Variants in NAF1 observed in about 807,000 individuals in gnomAD.
NAF1 encodes the protein H/ACA ribonucleoprotein complex non-core subunit NAF1.
Under a neutral mutation model 40.6 loss-of-function variants are expected in NAF1, and 11 were observed. The observed-to-expected ratio is 0.27, with a 90% CI of 0.17 to 0.45. The LOEUF (loss-of-function observed/expected upper bound fraction) is 0.45, where lower values mean the gene tolerates loss of function less well. Among genes scored for constraint, NAF1 ranks in the 20% least tolerant of loss-of-function variants. NAF1 has a pLI of 1.00. For synonymous variants in NAF1, 260 were observed against 228.5 expected (o/e 1.14, Z -1.24); for missense variants, 607 against 611.1 (o/e 0.99, Z 0.07).
At chr4:163,135,428 CAAATA>C (rs1174249590) in intron 6 of NAF1, 1 of 152,200 alleles carries the variant, frequency 6.6e-6, no homozygotes, top group Non-Finnish European at 1.5e-5. Context: ...ACCAATTTTA[CAAATA>C]ACTCGCATTG....
chr4:163,158,368 C>T (rs1443346956), intron 2 of NAF1: 2 of 151,960 alleles, frequency 1.3e-5, no homozygotes, highest in Admixed American at 6.6e-5. Flanking sequence ...TAGGTCTGTA[C>T]ACTTTGTGTC....
At chr4:163,104,950 C>T in the NAF1 span, among the ~76,000 whole-genome samples, 1 of 152,128 alleles carries the variant, frequency 6.6e-6, no homozygotes, top group South Asian at 2.1e-4. Flanking sequence ...TTCAGAAAAC[C>T]AAACCAAAAC....
intron 5 of NAF1, 65 bp from the exon 6 acceptor site, chr4:163,137,315 TA>T: frequency 1.3e-6 from 2 of 1,521,518 alleles, no homozygotes; most frequent in Non-Finnish European, 1.8e-6. Context: ...GCTCATAACT[TA>T]AAAGTACAGA....
In NAF1 at chr4:163,160,548, G is replaced by A. The variant is rs115325273; in HGVS notation, c.540+3669C>T. On this transcript the variant is annotated intron_variant, in intron 2 of 7. Transcript: ENST00000274054. ...TCGCAGAGATCGAACAACCCACAAT[G>A]GAAAGATTTAAAGGGATAGATCCAG... 6.8e-3 allele frequency among the ~76,000 whole-genome samples: 1,039 copies of A among 152,268 alleles called. 10 individuals are homozygous for A. The highest frequency in any genetic ancestry group is 0.011 in the Non-Finnish European group (757 of 68,026).
intron 5 of NAF1, among the ~76,000 whole-genome samples, chr4:163,137,779 C>T (rs552702105): frequency 6.6e-6 from 1 of 152,158 alleles, no homozygotes; most frequent in Non-Finnish European, 1.5e-5. Flanking sequence ...ATTCTCAAAG[C>T]AGTGAGGGTC....
intron 4 of NAF1, among the ~76,000 whole-genome samples, chr4:163,142,703 G>A (rs1224261771): frequency 6.6e-6 from 1 of 152,170 alleles, no homozygotes; most frequent in East Asian, 1.9e-4. Context: ...GTATGTTACA[G>A]GAAAACTTGA....
chr4:163,112,370 G>T (rs919135792), intron 2 of NAF1, among the ~76,000 whole-genome samples: 2 of 152,180 alleles, frequency 1.3e-5, no homozygotes, highest in African/African-American at 4.8e-5. Context: ...TCACAGGTTG[G>T]ATTCACTGGA....
chr4:163,158,952 G>C (rs1732104927), intron 2 of NAF1, among the ~76,000 whole-genome samples: 1 of 151,918 alleles, frequency 6.6e-6, no homozygotes, highest in African/African-American at 2.4e-5. Context: ...TAACTCTCTG[G>C]TGCTACTTTG....
intron 2 of NAF1, chr4:163,110,316 A>G (rs1458385169): frequency 7.2e-6 from 5 of 698,330 alleles, no homozygotes; most frequent in Non-Finnish European, 1.0e-5. Context: ...GTAAAATCAG[A>G]TATTTTGAGA....
the NAF1 span, among the ~76,000 whole-genome samples, chr4:163,104,097 G>C: frequency 6.6e-6 from 1 of 152,038 alleles, no homozygotes; most frequent in Non-Finnish European, 1.5e-5. Context: ...GGGTCCCAAG[G>C]TGCTCAGTGG....
intron 2 of NAF1, among the ~76,000 whole-genome samples, chr4:163,120,806 C>CA (rs1297673204): frequency 1.3e-5 from 2 of 151,876 alleles, no homozygotes; most frequent in Non-Finnish European, 2.9e-5. Flanking sequence ...TCTAGTCTGC[C>CA]AATGACAGCA....
downstream of NAF1, among the ~76,000 whole-genome samples, chr4:163,127,753 G>A (rs543645750): frequency 6.6e-6 from 1 of 152,328 alleles, no homozygotes; most frequent in South Asian, 2.1e-4. Context: ...AGCTCATGGG[G>A]AAGAAAAGTG....
At chr4:163,118,542 C>G (rs983512836) in intron 2 of NAF1, among the ~76,000 whole-genome samples, 3 of 152,176 alleles carry the variant, frequency 2.0e-5, no homozygotes, top group Non-Finnish European at 4.4e-5. Context: ...CACCCAAGGT[C>G]AGGAGTTTGA....
intron 2 of NAF1, among the ~76,000 whole-genome samples, chr4:163,152,573 T>C (rs1731754238): frequency 6.6e-6 from 1 of 152,226 alleles, no homozygotes; most frequent in Admixed American, 6.5e-5. Flanking sequence ...GTTCTCTGAT[T>C]TTGCGTAGAA....
chr4:163,104,657 A>C, the NAF1 span, among the ~76,000 whole-genome samples: 14 of 152,346 alleles, frequency 9.2e-5, no homozygotes, highest in African/African-American at 3.4e-4. Flanking sequence ...CACTGAACTC[A>C]CTAATTAGCC....
downstream of NAF1, among the ~76,000 whole-genome samples, chr4:163,123,088 A>G (rs544069768): frequency 2.6e-5 from 4 of 152,218 alleles, no homozygotes; most frequent in African/African-American, 9.6e-5. Context: ...TACAGGTTGT[A>G]AAAGGAACAT....
chr4:163,150,678 C>T (rs1412713030), intron 2 of NAF1, among the ~76,000 whole-genome samples: 1 of 152,024 alleles, frequency 6.6e-6, no homozygotes. Context: ...AATACACTAG[C>T]TGCCTGACAC....
intron 2 of NAF1, among the ~76,000 whole-genome samples, chr4:163,148,739 C>A (rs1184671554): frequency 1.3e-5 from 2 of 152,126 alleles, no homozygotes; most frequent in Non-Finnish European, 2.9e-5. Flanking sequence ...TACCTACTTC[C>A]TGTAAAAAAG....
intron 7 of NAF1, among the ~76,000 whole-genome samples, chr4:163,130,249 GA>G (rs1222688819): frequency 6.6e-6 from 1 of 151,808 alleles, no homozygotes; most frequent in African/African-American, 2.4e-5. Flanking sequence ...CAAATTCAAT[GA>G]AAAAAATAAA....
Sources: gnomAD v4.1 joint callset for allele counts (sites outside exome capture counted in the v4.1 genomes callset) on GRCh38, gnomAD v4.1.1 for gene constraint, MANE v1.5 for transcripts, NCBI Gene and HGNC (gene_info 2026-07-23, HGNC 2026-07-21) for gene names.